The following CDH18 variants were observed in gnomAD, a reference collection of about 807,000 sequenced individuals.
The protein encoded by CDH18 is cadherin-18.
A neutral mutation model predicts 67.9 loss-of-function variants in CDH18; 31 were observed. That is an observed-to-expected ratio of 0.46 (90% CI 0.34 to 0.62). CDH18 has a LOEUF of 0.62. CDH18 is among the 20% of genes least tolerant of loss of function. The pLI is 0.01. For synonymous variants in CDH18, 362 were observed against 347.2 expected (o/e 1.04, Z -0.48); for missense variants, 890 against 975.5 (o/e 0.91, Z 1.17).
chr5:20,082,541 T>C (rs1048046236), intron 2 of CDH18, among the ~76,000 whole-genome samples: 8 of 152,196 alleles, frequency 5.3e-5, no homozygotes, highest in Non-Finnish European at 5.9e-5. Context: ...GCCATTTCAG[T>C]TCTTCATTTT....
intron 1 of CDH18, among the ~76,000 whole-genome samples, chr5:20,370,175 CATCACCATCATTACTATCCTT>C (rs990741397): frequency 2.0e-5 from 3 of 152,172 alleles, no homozygotes; most frequent in Non-Finnish European, 4.4e-5. Flanking sequence ...TTACTATAGT[CATCACCATCATTACTATCCTT>C]ATCACCATCA....
intron 1 of CDH18, among the ~76,000 whole-genome samples, chr5:20,372,683 T>C (rs1042460811): frequency 2.0e-5 from 3 of 152,204 alleles, no homozygotes; most frequent in Admixed American, 1.3e-4. Flanking sequence ...AGGGAGATAT[T>C]ATTTGTAAGC....
At chr5:20,280,276 G>A (rs1746147368) in intron 1 of CDH18, among the ~76,000 whole-genome samples, 1 of 151,570 alleles carries the variant, frequency 6.6e-6, no homozygotes, top group African/African-American at 2.4e-5. Flanking sequence ...TGTTACATAT[G>A]TACACATGTG....
chr5:20,452,260 C>G (rs1255244248), intron 1 of CDH18, among the ~76,000 whole-genome samples: 1 of 152,032 alleles, frequency 6.6e-6, no homozygotes, highest in African/African-American at 2.4e-5. Flanking sequence ...GCACATTAAA[C>G]AAATTGTACT....
chr5:19,545,058 A>G (rs1420918427), intron 8 of CDH18, among the ~76,000 whole-genome samples: 5 of 152,154 alleles, frequency 3.3e-5, no homozygotes, highest in Non-Finnish European at 7.3e-5. Context: ...TATACTATTA[A>G]ACAATTATCA....
At chr5:19,537,223 T>G (rs1325012911) in intron 9 of CDH18, among the ~76,000 whole-genome samples, 1 of 152,142 alleles carries the variant, frequency 6.6e-6, no homozygotes, top group Non-Finnish European at 1.5e-5. Context: ...ATTCTCCTGC[T>G]TCACAGTTTT....
At chr5:19,708,762 G>T (rs1016507075) in intron 5 of CDH18, among the ~76,000 whole-genome samples, 9 of 152,164 alleles carry the variant, frequency 5.9e-5, no homozygotes, top group Non-Finnish European at 1.2e-4. Context: ...ATAATCTATA[G>T]AAACAGTGCT....
intron 2 of CDH18, among the ~76,000 whole-genome samples, chr5:19,840,707 A>G (rs1561417356): frequency 6.6e-6 from 1 of 152,180 alleles, no homozygotes; most frequent in Non-Finnish European, 1.5e-5. Flanking sequence ...TGTCTCAAAA[A>G]ATACAATAAA....
At chr5:20,216,944 A>G (rs1740827737) in intron 2 of CDH18, among the ~76,000 whole-genome samples, 1 of 151,950 alleles carries the variant, frequency 6.6e-6, no homozygotes, top group Non-Finnish European at 1.5e-5. Flanking sequence ...CAGTGTTCTC[A>G]TTGGAAACCT....
chr5:20,410,089 C>T (rs1044745253), intron 1 of CDH18, among the ~76,000 whole-genome samples: 6 of 151,742 alleles, frequency 4.0e-5, no homozygotes, highest in Admixed American at 3.3e-4. Context: ...CCTTCCTAAA[C>T]TCTGCAAAAG....
At chr5:19,801,744 C>T (rs990814955) in intron 3 of CDH18, among the ~76,000 whole-genome samples, 1 of 152,260 alleles carries the variant, frequency 6.6e-6, no homozygotes, top group Non-Finnish European at 1.5e-5. Flanking sequence ...AAGAAAACTA[C>T]AGCTGCAAAG....
chr5:20,408,901 C>A (rs1746527105), intron 1 of CDH18, among the ~76,000 whole-genome samples: 1 of 151,296 alleles, frequency 6.6e-6, no homozygotes. Flanking sequence ...GTAATTAAAA[C>A]AAAGAAAGCT....
At chr5:19,636,708 T>C (rs1357601799) in intron 5 of CDH18, among the ~76,000 whole-genome samples, 2 of 152,030 alleles carry the variant, frequency 1.3e-5, no homozygotes, top group Non-Finnish European at 1.5e-5. Context: ...CTGTACTCTA[T>C]ACATTCTTTA....
chr5:19,597,615 A>T (rs1746382562), intron 6 of CDH18, among the ~76,000 whole-genome samples: 1 of 152,174 alleles, frequency 6.6e-6, no homozygotes, highest in African/African-American at 2.4e-5. Context: ...AGAAAAAAAA[A>T]CAAATAAAAA....
At chr5:19,689,429 C>A (rs1199018312) in intron 5 of CDH18, among the ~76,000 whole-genome samples, 1 of 151,828 alleles carries the variant, frequency 6.6e-6, no homozygotes, top group African/African-American at 2.4e-5. Flanking sequence ...CTATACACAG[C>A]AAAGTTTTGC....
chr5:20,272,267 T>G (rs1260130332), intron 1 of CDH18, among the ~76,000 whole-genome samples: 1 of 152,014 alleles, frequency 6.6e-6, no homozygotes, highest in Non-Finnish European at 1.5e-5. Context: ...GGTTAGTAAT[T>G]GTAATGAGAG....
intron 5 of CDH18, among the ~76,000 whole-genome samples, chr5:19,621,735 G>C (rs560762924): frequency 7.4e-4 from 112 of 152,278 alleles, no homozygotes; most frequent in Non-Finnish European, 1.4e-3. Flanking sequence ...AGATGAATAA[G>C]TTCTAAAGGC....
At chr5:19,780,528 GA>G (rs1379582561) in intron 3 of CDH18, among the ~76,000 whole-genome samples, 18 of 151,752 alleles carry the variant, frequency 1.2e-4, no homozygotes, top group African/African-American at 2.4e-4. Context: ...AAAAGGACAA[GA>G]AAAAAAATAT....
At chr5:20,208,011 A>T (rs1000272374) in intron 2 of CDH18, among the ~76,000 whole-genome samples, 11 of 152,120 alleles carry the variant, frequency 7.2e-5, no homozygotes, top group Non-Finnish European at 1.3e-4. Context: ...ATATAAATCT[A>T]TGCATTTAAA....
Sources: gnomAD v4.1 joint callset for allele counts (sites outside exome capture counted in the v4.1 genomes callset) on GRCh38, gnomAD v4.1.1 for gene constraint, MANE v1.5 for transcripts, NCBI Gene and HGNC (gene_info 2026-07-23, HGNC 2026-07-21) for gene names.